The following FGF14 variants were observed in gnomAD, a reference collection of about 807,000 sequenced individuals.
FGF14 encodes the protein fibroblast growth factor 14.
A neutral mutation model predicts 25.5 loss-of-function variants in FGF14; 5 were observed. That is an observed-to-expected ratio of 0.20 (90% CI 0.10 to 0.41). The LOEUF is 0.41. Among genes scored for constraint, FGF14 ranks in the 10% least tolerant of loss-of-function variants. The probability of loss-of-function intolerance (pLI) is 1.00; values close to 1 mark genes in which losing one functional copy is unlikely to be tolerated. For missense variants in FGF14, 222 were observed against 320.1 expected (o/e 0.69, Z 2.34); for synonymous variants, 138 against 118.3 (o/e 1.17, Z -1.08).
intron 3 of FGF14, among the ~76,000 whole-genome samples, chr13:101,828,255 GC>G (rs1187926766): frequency 6.6e-6 from 1 of 151,956 alleles, no homozygotes; most frequent in Non-Finnish European, 1.5e-5. Flanking sequence ...TGTCCAAAAT[GC>G]CAATAAGTTT....
At chr13:101,753,582 A>T (rs2037444429) in intron 3 of FGF14, among the ~76,000 whole-genome samples, 1 of 152,178 alleles carries the variant, frequency 6.6e-6, no homozygotes, top group Admixed American at 6.5e-5. Flanking sequence ...AGGCAGGCGC[A>T]TCACCTGAGG....
At chr13:102,005,003 T>C (rs1339436530) in intron 1 of FGF14, among the ~76,000 whole-genome samples, 2 of 152,182 alleles carry the variant, frequency 1.3e-5, no homozygotes, top group African/African-American at 2.4e-5. Flanking sequence ...TATTTCTTCA[T>C]AGCAGCATGA....
At chr13:102,054,381 CT>C (rs1191174874) in intron 1 of FGF14, among the ~76,000 whole-genome samples, 1 of 152,174 alleles carries the variant, frequency 6.6e-6, no homozygotes, top group Non-Finnish European at 1.5e-5. Context: ...GTAAATTACA[CT>C]TTACTAAAGC....
rs535549287 is a variant in FGF14 at position 102,165,015 on chromosome 13, A to G, written c.208+236456T>C. Among the ~76,000 whole-genome samples, 5 of 152,282 alleles carry G rather than the reference A, an allele frequency of 3.3e-5. No individual in the cohort carries two copies. In the South Asian group the frequency reaches 8.3e-4, roughly 25 times the overall value. Reference sequence around the variant, plus strand: ...TAGTGAGGGGATTTTTCAGCAACCAATGAGTGACCTAGATCAAAATGGTGA... The same window carrying G: ...TAGTGAGGGGATTTTTCAGCAACCAGTGAGTGACCTAGATCAAAATGGTGA... On this transcript the variant is annotated intron_variant, in intron 1 of 4. Coordinates refer to the FGF14 transcript ENST00000376131.
At chr13:101,809,714 T>C (rs547037234) in intron 3 of FGF14, among the ~76,000 whole-genome samples, 3 of 152,292 alleles carry the variant, frequency 2.0e-5, no homozygotes, top group South Asian at 4.2e-4. Flanking sequence ...ATAGGACTCC[T>C]AAATTTTGCA....
chr13:102,358,083 T>C (rs1341698611), intron 1 of FGF14, among the ~76,000 whole-genome samples: 1 of 152,202 alleles, frequency 6.6e-6, no homozygotes, highest in Admixed American at 6.5e-5. Flanking sequence ...TTTTGAACTT[T>C]ATATTTAAAA....
chr13:101,801,365 T>C (rs1016841727), intron 3 of FGF14, among the ~76,000 whole-genome samples: 14 of 152,160 alleles, frequency 9.2e-5, no homozygotes, highest in African/African-American at 3.4e-4. Context: ...TTTTTTTTTT[T>C]TCTAAAGAGA....
chr13:101,994,912 T>A (rs958507494), intron 1 of FGF14, among the ~76,000 whole-genome samples: 11 of 152,104 alleles, frequency 7.2e-5, no homozygotes, highest in Non-Finnish European at 1.0e-4. Flanking sequence ...GCGTTACATA[T>A]GCATACATAT....
At chr13:101,762,441 C>T (rs1316175640) in intron 3 of FGF14, among the ~76,000 whole-genome samples, 1 of 152,154 alleles carries the variant, frequency 6.6e-6, no homozygotes, top group Non-Finnish European at 1.5e-5. Flanking sequence ...GCATTATATT[C>T]AAGTAAATCA....
intron 3 of FGF14, among the ~76,000 whole-genome samples, chr13:101,782,868 T>C (rs181058633): frequency 3.4e-4 from 52 of 152,230 alleles, no homozygotes; most frequent in Admixed American, 3.3e-3. Context: ...TGTGTCTTTA[T>C]AGTAGAACAA....
intron 1 of FGF14, among the ~76,000 whole-genome samples, chr13:101,968,634 C>T (rs946916286): frequency 1.4e-5 from 2 of 146,030 alleles, no homozygotes; most frequent in Admixed American, 1.4e-4. Context: ...GATCGTGCCA[C>T]TGCAATCCAG....
rs531142562 is a variant in FGF14, at chr13:102,009,184, G to T, written c.209-133888C>A. On this transcript the variant is annotated intron_variant, in intron 1 of 4. Coordinates refer to the FGF14 transcript ENST00000376131. Reference sequence around the variant, plus strand: ...ATGTACATTTGTCCTTCTGTGTATTGTGTGTGTCTATAAGATCATGCTTGA... The same window carrying T: ...ATGTACATTTGTCCTTCTGTGTATTTTGTGTGTCTATAAGATCATGCTTGA... Among the ~76,000 whole-genome samples, 17 of 152,182 alleles carry T rather than the reference G, an allele frequency of 1.1e-4. No homozygotes were observed. The South Asian group carries it at 3.5e-3, about 32-fold the overall frequency.
intron 1 of FGF14, among the ~76,000 whole-genome samples, chr13:101,882,379 T>C (rs560313593): frequency 2.6e-5 from 4 of 152,240 alleles, no homozygotes; most frequent in Admixed American, 2.6e-4. Flanking sequence ...AAATGCATTT[T>C]TATGTAACAA....
intron 3 of FGF14, among the ~76,000 whole-genome samples, chr13:101,829,336 T>C (rs1386080871): frequency 1.3e-5 from 2 of 152,086 alleles, no homozygotes; most frequent in Non-Finnish European, 1.5e-5. Context: ...AATGTGTTAT[T>C]ACAGGTTTCT....
chr13:102,297,119 T>A (rs1461693614), intron 1 of FGF14, among the ~76,000 whole-genome samples: 2 of 152,134 alleles, frequency 1.3e-5, no homozygotes, highest in Non-Finnish European at 2.9e-5. Flanking sequence ...TAGATAACCT[T>A]CAAGTGATGG....
intron 4 of FGF14, among the ~76,000 whole-genome samples, chr13:101,724,542 G>A (rs1412474079): frequency 6.8e-6 from 1 of 147,594 alleles, no homozygotes; most frequent in Non-Finnish European, 1.5e-5. Context: ...GTATACATAT[G>A]TCACAAACCT....
chr13:102,311,036 A>T lies in FGF14; in HGVS notation c.208+90435T>A, dbSNP rs575484133. On this transcript the variant is annotated intron_variant, in intron 1 of 4. Coordinates refer to the FGF14 transcript ENST00000376131. ...CCCACTTGCATCAAAATTTACACAC[A>T]CATACACACACACACACACAATTTA... 1.4e-4 allele frequency among the ~76,000 whole-genome samples: 22 copies of T among 152,182 alleles called. No individual in the cohort carries two copies. The South Asian group carries it at 4.6e-3, about 32-fold the overall frequency.
At chr13:102,332,495 T>A (rs2056663437) in intron 1 of FGF14, among the ~76,000 whole-genome samples, 2 of 152,036 alleles carry the variant, frequency 1.3e-5, no homozygotes, top group Admixed American at 1.3e-4. Context: ...AATGCAAGAG[T>A]GAGGATCCCT....
intron 1 of FGF14, among the ~76,000 whole-genome samples, chr13:102,031,433 T>C (rs1285786566): frequency 6.6e-6 from 1 of 152,060 alleles, no homozygotes; most frequent in African/African-American, 2.4e-5. Flanking sequence ...CAGCTAGTGC[T>C]GGGGATTAGA....
Sources: allele counts gnomAD v4.1 joint callset (sites outside exome capture counted in the v4.1 genomes callset), GRCh38; gene constraint gnomAD v4.1.1; transcripts MANE v1.5; gene names NCBI Gene and HGNC (gene_info 2026-07-23, HGNC 2026-07-21).